Variants in CTNNA3 observed in about 807,000 individuals in gnomAD.
CTNNA3 encodes the protein catenin alpha-3.
CTNNA3 carries 76 observed loss-of-function variants against 95.7 expected under a neutral mutation model. The observed-to-expected ratio is 0.79, with a 90% CI of 0.66 to 0.96. CTNNA3 has a LOEUF of 0.96. Among genes scored for constraint, CTNNA3 ranks in the 40% least tolerant of loss-of-function variants. The probability of loss-of-function intolerance (pLI) is 0.00; values close to 1 mark genes in which losing one functional copy is unlikely to be tolerated. For synonymous variants in CTNNA3, 431 were observed against 374.4 expected (o/e 1.15, Z -1.74); for missense variants, 1,191 against 1,089.8 (o/e 1.09, Z -1.31).
At chr10:66,514,576 G>A (rs191765024) in intron 11 of CTNNA3, among the ~76,000 whole-genome samples, 19 of 152,056 alleles carry the variant, frequency 1.2e-4, no homozygotes, top group Middle Eastern at 3.4e-3. Flanking sequence ...ATTGTCAATC[G>A]CTTCCACCAA....
intron 11 of CTNNA3, among the ~76,000 whole-genome samples, chr10:66,380,381 AG>A (rs2092827954): frequency 6.6e-6 from 1 of 152,022 alleles, no homozygotes; most frequent in Non-Finnish European, 1.5e-5. Context: ...AGACCTAGGA[AG>A]GAGGATGACT....
intron 15 of CTNNA3, among the ~76,000 whole-genome samples, chr10:66,045,881 A>G (rs10996851): frequency 4.6e-5 from 7 of 152,256 alleles, no homozygotes; most frequent in Non-Finnish European, 1.0e-4. Context: ...TCTCATTGCC[A>G]GGCCTATAAT....
At chr10:66,080,426 A>G (rs1462310910) in intron 14 of CTNNA3, among the ~76,000 whole-genome samples, 1 of 152,172 alleles carries the variant, frequency 6.6e-6, no homozygotes, top group Non-Finnish European at 1.5e-5. Flanking sequence ...TCATTTGTGT[A>G]CATGTGAAGG....
intron 7 of CTNNA3, among the ~76,000 whole-genome samples, chr10:67,057,249 T>C (rs1183009174): frequency 2.0e-5 from 3 of 151,942 alleles, no homozygotes; most frequent in Non-Finnish European, 4.4e-5. Context: ...TCAATTAATA[T>C]ATCTATTATG....
chr10:67,489,752 T>A (rs1848581236), intron 5 of CTNNA3, among the ~76,000 whole-genome samples: 1 of 150,070 alleles, frequency 6.7e-6, no homozygotes, highest in African/African-American at 2.4e-5. Context: ...ATATATTAAA[T>A]TTATATATAC....
intron 7 of CTNNA3, among the ~76,000 whole-genome samples, chr10:66,888,357 T>C (rs1005349457): frequency 6.6e-6 from 1 of 152,188 alleles, no homozygotes; most frequent in Admixed American, 6.5e-5. Flanking sequence ...AAGCCAGCCC[T>C]CCTGACACAT....
chr10:66,549,846 G>C (rs1347797337), intron 10 of CTNNA3, among the ~76,000 whole-genome samples: 1 of 152,078 alleles, frequency 6.6e-6, no homozygotes, highest in Non-Finnish European at 1.5e-5. Flanking sequence ...CACCTCGTAT[G>C]ATTCTTTTTT....
At chr10:66,342,740 G>T (rs2092466306) in intron 12 of CTNNA3, among the ~76,000 whole-genome samples, 1 of 151,566 alleles carries the variant, frequency 6.6e-6, no homozygotes, top group African/African-American at 2.4e-5. Context: ...ACTACTTTAG[G>T]TAATGTTGTA....
At chr10:67,546,631 A>T (rs930911288) in intron 3 of CTNNA3, among the ~76,000 whole-genome samples, 1 of 152,176 alleles carries the variant, frequency 6.6e-6, no homozygotes, top group Non-Finnish European at 1.5e-5. Flanking sequence ...ATAAATGTTT[A>T]AACTTTGAGC....
chr10:66,781,073 C>A (rs372037271), intron 7 of CTNNA3, among the ~76,000 whole-genome samples: 1 of 151,890 alleles, frequency 6.6e-6, no homozygotes, highest in East Asian at 1.9e-4. Flanking sequence ...TGATGCTCAC[C>A]CTATAAATTA....
chr10:66,073,331 G>A (rs1329482379), intron 14 of CTNNA3, among the ~76,000 whole-genome samples: 2 of 152,126 alleles, frequency 1.3e-5, no homozygotes, highest in East Asian at 3.9e-4. Context: ...AGCCAATATA[G>A]TTCTTCTACA....
At chr10:67,450,395 G>A (rs146630024) in intron 5 of CTNNA3, among the ~76,000 whole-genome samples, 105 of 152,096 alleles carry the variant, frequency 6.9e-4, no homozygotes, top group Non-Finnish European at 1.9e-4. Flanking sequence ...GCCCATCAGC[G>A]GTAGGCTGGA....
intron 5 of CTNNA3, among the ~76,000 whole-genome samples, chr10:67,427,628 T>C (rs985278694): frequency 1.2e-4 from 18 of 152,182 alleles, no homozygotes; most frequent in Middle Eastern, 3.4e-3. Flanking sequence ...ATAATTCTTA[T>C]ATAAAGTAAA....
intron 3 of CTNNA3, among the ~76,000 whole-genome samples, chr10:67,590,137 T>C (rs1842748674): frequency 6.6e-6 from 1 of 152,120 alleles, no homozygotes; most frequent in African/African-American, 2.4e-5. Context: ...CTCTGTTCTT[T>C]GCAATATCAT....
chr10:66,151,168 A>C (rs2084178621), intron 13 of CTNNA3, among the ~76,000 whole-genome samples: 1 of 152,028 alleles, frequency 6.6e-6, no homozygotes, highest in Admixed American at 6.6e-5. Flanking sequence ...ATAGACAAGA[A>C]AAGACTTAAT....
intron 3 of CTNNA3, among the ~76,000 whole-genome samples, chr10:67,599,098 C>G (rs900980832): frequency 6.6e-6 from 1 of 152,158 alleles, no homozygotes; most frequent in South Asian, 2.1e-4. Flanking sequence ...CAAGGCCACA[C>G]TATAGAATAA....
chr10:66,045,570 G>T (rs1298601664), intron 15 of CTNNA3, among the ~76,000 whole-genome samples: 1 of 152,098 alleles, frequency 6.6e-6, no homozygotes, highest in Non-Finnish European at 1.5e-5. Context: ...TTTAATAATA[G>T]AAGGTGCTCT....
At chr10:66,425,059 T>C (rs1374582595) in intron 11 of CTNNA3, among the ~76,000 whole-genome samples, 1 of 151,938 alleles carries the variant, frequency 6.6e-6, no homozygotes, top group African/African-American at 2.4e-5. Context: ...TACAAATAAT[T>C]GTGAATTATA....
chr10:66,271,871 C>A (rs1454613169), intron 13 of CTNNA3, among the ~76,000 whole-genome samples: 1 of 152,160 alleles, frequency 6.6e-6, no homozygotes, highest in Non-Finnish European at 1.5e-5. Flanking sequence ...CACTAACTAG[C>A]GCGGCTTTTG....
Sources: allele counts gnomAD v4.1 joint callset (sites outside exome capture counted in the v4.1 genomes callset), GRCh38; gene constraint gnomAD v4.1.1; transcripts MANE v1.5; gene names NCBI Gene and HGNC (gene_info 2026-07-23, HGNC 2026-07-21).